The following COL4A1 variants were observed in gnomAD, a reference collection of about 807,000 sequenced individuals.
COL4A1 encodes the protein collagen type IV alpha 1 chain, also known as collagen alpha-1(IV) chain.
Under a neutral mutation model 216.6 loss-of-function variants are expected in COL4A1, and 40 were observed. The observed-to-expected ratio is 0.18, with a 90% CI of 0.14 to 0.24. The LOEUF (loss-of-function observed/expected upper bound fraction) is 0.24, where lower values mean the gene tolerates loss of function less well. Ranked by LOEUF, COL4A1 falls within the 10% of genes least tolerant of loss-of-function variation. The probability of loss-of-function intolerance (pLI) is 1.00; values close to 1 mark genes in which losing one functional copy is unlikely to be tolerated. For missense variants in COL4A1, 1,628 were observed against 2,196.8 expected (o/e 0.74, Z 5.18); for synonymous variants, 839 against 810.7 (o/e 1.03, Z -0.59).
chr13:110,307,050 G>A lies in COL4A1; in HGVS notation c.-23C>T. 1.4e-6 allele frequency: 2 copies of A among 1,450,138 alleles called. No individual in the cohort carries two copies. Among genetic ancestry groups the A allele is most frequent in the South Asian group, 1.3e-5 (1 of 74,104 alleles). 89.8% of individuals were successfully genotyped at this position (1,450,138 alleles called of 1,614,324 possible). A position where few individuals can be genotyped will look rare whatever the true frequency, so the allele number is the denominator to read the frequency against. On this transcript the variant is annotated 5_prime_UTR_variant, in exon 1 of 52. Transcript: ENST00000375820. This position sits in a 1 kb window ranked among gnomAD's most constrained non-coding sequence, Gnocchi z 5.0. ...CATGGTGGCGCGCCCGAGGCGGCGA[G>A]GGACGGCTGCCCGGCGTGCGGGGGC...
At position 110,207,031 on chromosome 13, in the gene COL4A1, ACTT is replaced by A; in HGVS notation, c.781-143_781-141del. On this transcript the variant is annotated intron_variant, in intron 13 of 51. Coordinates refer to ENST00000375820, the MANE Select transcript of COL4A1 (RefSeq NM_001845.6). This position sits in a 1 kb window ranked among gnomAD's most constrained non-coding sequence, Gnocchi z 4.4. ...AAATTCATGTTGATCTCCAGCACTC[ACTT>A]GACATTGACTGGTATAAATGTAAGC... The A allele has an allele frequency of 1.1e-6, 1 of 906,466 alleles. No individual in the cohort carries two copies. The highest frequency in any genetic ancestry group is 1.8e-6 in the Non-Finnish European group (1 of 570,110). 56.2% of individuals were successfully genotyped at this position (906,466 alleles called of 1,614,324 possible).
rs138147190 is a variant in COL4A1 at position 110,273,349 on chromosome 13, A to G, written c.85-30615T>C. Among the ~76,000 whole-genome samples, 385 of 152,358 alleles carry G rather than the reference A, an allele frequency of 2.5e-3. 13 individuals carry two copies. In the East Asian group the frequency reaches 0.056, roughly 22 times the overall value. ...TCAGTGGAATGACCTACCTGTGTCA[A>G]AAAGGCTCTGTTAGTGGCTGAGTGC... On this transcript the variant is annotated intron_variant, in intron 1 of 51. Transcript: ENST00000375820.
intron 1 of COL4A1, among the ~76,000 whole-genome samples, chr13:110,263,989 G>T (rs1882927836): frequency 6.6e-6 from 1 of 152,172 alleles, no homozygotes; most frequent in Non-Finnish European, 1.5e-5. Context: ...TGTATCAAAA[G>T]AAAAAGTTCA....
intron 2 of COL4A1, among the ~76,000 whole-genome samples, chr13:110,226,192 T>C (rs1880729922): frequency 6.6e-6 from 1 of 152,172 alleles, no homozygotes; most frequent in Non-Finnish European, 1.5e-5. Flanking sequence ...ATAAGAAAAT[T>C]GGAATTTCTT....
intron 2 of COL4A1, among the ~76,000 whole-genome samples, chr13:110,225,407 A>C (rs1327901752): frequency 6.6e-6 from 1 of 152,186 alleles, no homozygotes; most frequent in African/African-American, 2.4e-5. Flanking sequence ...AACATGGTGA[A>C]ACTTGTCTCT....
chr13:110,285,101 T>C (rs1253998267), intron 1 of COL4A1, among the ~76,000 whole-genome samples: 2 of 152,242 alleles, frequency 1.3e-5, no homozygotes, highest in Non-Finnish European at 2.9e-5. Context: ...GTTTGGATCT[T>C]TTCATGTTTA....
chr13:110,162,325 T>C lies in COL4A1; in HGVS notation c.4367A>G (p.Asp1456Gly). ...FLVTRHSQTI[D>G]DPQCPSGTKI... ...GGTCCCAGAAGGACACTGTGGGTCA[T>C]CTATTGTTTGACTATGCCTGGTCAC... Residue 1456 changes from aspartate (D) to glycine (G), a missense_variant, in exon 48 of 52, where the codon GAT (aspartate) becomes GGT (glycine). Physicochemically the swap from Asp to Gly is moderately conservative, Grantham distance 94. This residue lies in a region of COL4A1 where 254 missense variants were observed against 300.1 expected (regional missense o/e 0.85). Coordinates refer to ENST00000375820, the MANE Select transcript of COL4A1 (RefSeq NM_001845.6). 1.2e-6 allele frequency: 2 copies of C among 1,614,218 alleles called. No individual in the cohort carries two copies. The highest frequency in any genetic ancestry group is 1.7e-6 in the Non-Finnish European group (2 of 1,180,020).
rs202037360 is a variant in COL4A1 at position 110,230,552 on chromosome 13, C to CA, written c.144+12122_144+12123insT. 2.5e-3 allele frequency among the ~76,000 whole-genome samples: 36 copies of CA among 14,396 alleles called. No individual in the cohort carries two copies. In the Non-Finnish European group the frequency reaches 0.12, roughly 48 times the overall value. The allele number at this position is 14,396 out of a possible 152,430, so 9.4% of individuals were successfully genotyped here. On this transcript the variant is annotated intron_variant, in intron 2 of 51. Coordinates refer to ENST00000375820, the MANE Select transcript of COL4A1 (RefSeq NM_001845.6). ...GGTAAAGGGGGCGAGTGAGGTGGGACGGGTGGTGCACCTCCTCTAAGACCA... is the reference window on the plus strand; with the variant it reads ...GGTAAAGGGGGCGAGTGAGGTGGGACAGGGTGGTGCACCTCCTCTAAGACCA...
Position 110,252,445 on chromosome 13 carries a change from GTATATGTATTATATACA to G in COL4A1, c.85-9728_85-9712del, listed in dbSNP as rs1882118266. 1.8e-5 allele frequency among the ~76,000 whole-genome samples: 2 copies of G among 114,028 alleles called. 1 individual carries two copies. The highest frequency in any genetic ancestry group is 1.9e-4 in the Admixed American group (2 of 10,330). The allele number at this position is 114,028 out of a possible 152,430, so 74.8% of individuals were successfully genotyped here. On this transcript the variant is annotated intron_variant, in intron 1 of 51. Transcript: ENST00000375820. ...ATGTATTATATATGTATAATTATAC[GTATATGTATTATATACA>G]TATAATTATATGTATTATATATACG...
At chr13:110,214,763 C>T (rs907909372) in intron 2 of COL4A1, among the ~76,000 whole-genome samples, 1 of 152,158 alleles carries the variant, frequency 6.6e-6, no homozygotes, top group African/African-American at 2.4e-5. Context: ...GTCCTGAGTT[C>T]CCAGGCTTGC....
intron 1 of COL4A1, among the ~76,000 whole-genome samples, chr13:110,245,315 GT>G (rs1881750209): frequency 6.6e-6 from 1 of 152,156 alleles, no homozygotes; most frequent in Non-Finnish European, 1.5e-5. Flanking sequence ...ACCTGTTTGC[GT>G]TTGAGCCAAG....
At chr13:110,177,125 A>G (rs1594551145) in intron 33 of COL4A1, 88 bp from the exon 34 acceptor site, 5 of 1,587,902 alleles carry the variant, frequency 3.1e-6, no homozygotes, top group Non-Finnish European at 4.3e-6. Flanking sequence ...CAGGGACAGC[A>G]GCTGGCAAAA....
At chr13:110,158,664 G>C (rs1242837949) in intron 49 of COL4A1, among the ~76,000 whole-genome samples, 1 of 151,504 alleles carries the variant, frequency 6.6e-6, no homozygotes, top group Non-Finnish European at 1.5e-5. Flanking sequence ...GTAAAATTAC[G>C]GAATAGCTTC....
intron 45 of COL4A1, among the ~76,000 whole-genome samples, chr13:110,165,325 C>T (rs1877285357): frequency 6.6e-6 from 1 of 152,104 alleles, no homozygotes; most frequent in Non-Finnish European, 1.5e-5. Context: ...CCAAGCAGCC[C>T]CCGCTTCTGA....
At chr13:110,219,944 A>G (rs866235447) in intron 2 of COL4A1, among the ~76,000 whole-genome samples, 11 of 99,834 alleles carry the variant, frequency 1.1e-4, no homozygotes, top group African/African-American at 4.0e-4. Flanking sequence ...ATGTGTGTGT[A>G]TATATACACA....
chr13:110,224,941 A>C (rs1880669155), intron 2 of COL4A1, among the ~76,000 whole-genome samples: 2 of 152,226 alleles, frequency 1.3e-5, no homozygotes, highest in Non-Finnish European at 1.5e-5. Context: ...GAAGATAAGA[A>C]TTATAGTTAA....
intron 17 of COL4A1, among the ~76,000 whole-genome samples, chr13:110,205,013 G>A (rs564439839): frequency 6.0e-4 from 91 of 151,988 alleles, no homozygotes; most frequent in African/African-American, 1.7e-3. Flanking sequence ...GGAACAAGGC[G>A]AACTCTGGCC....
In COL4A1 at chr13:110,242,663, T is replaced by G; in HGVS notation, c.144+12A>C. 1 of 1,614,146 alleles carries G rather than the reference T, an allele frequency of 6.2e-7. No homozygotes were observed. The highest frequency in any genetic ancestry group is 1.1e-5 in the South Asian group (1 of 91,080). ...ACAAAGAAATGTTGTGATTTAAATT[T>G]CGGCAACTCACCTTTTGTCCCTTCA... On this transcript the variant is annotated intron_variant, in intron 2 of 51. Coordinates refer to ENST00000375820, the MANE Select transcript of COL4A1 (RefSeq NM_001845.6).
chr13:110,303,851 G>A (rs531005893), intron 1 of COL4A1, among the ~76,000 whole-genome samples: 196 of 152,374 alleles, frequency 1.3e-3, no homozygotes, highest in African/African-American at 4.7e-3. Context: ...GCAGGAAGGA[G>A]GTGTTCCCGA....
Sources: gnomAD v4.1 joint callset for allele counts (sites outside exome capture counted in the v4.1 genomes callset) on GRCh38, gnomAD v4.1.1 for gene constraint, gnomAD v4.1.1 regional missense constraint, Gnocchi (gnomAD v3.1) non-coding constraint, MANE v1.5 for transcripts, NCBI Gene and HGNC (gene_info 2026-07-23, HGNC 2026-07-21) for gene names.